The following TTC29 variants were observed in gnomAD, a reference collection of about 807,000 sequenced individuals.
The protein encoded by TTC29 is tetratricopeptide repeat domain 29.
Under a neutral mutation model 58.1 loss-of-function variants are expected in TTC29, and 49 were observed. The ratio of observed to expected loss-of-function variants is 0.84; its 90% CI spans 0.67 to 1.07. TTC29 has a LOEUF of 1.07. TTC29 is among the 50% of genes least tolerant of loss of function. TTC29 has a pLI of 0.00. For synonymous variants in TTC29, 209 were observed against 196.8 expected (o/e 1.06, Z -0.52); for missense variants, 582 against 555.6 (o/e 1.05, Z -0.48).
intron 11 of TTC29, among the ~76,000 whole-genome samples, chr4:146,781,621 C>CAA (rs1440829469): frequency 2.0e-5 from 3 of 151,806 alleles, no homozygotes; most frequent in Non-Finnish European, 2.9e-5. Flanking sequence ...TATATAAAAC[C>CAA]AACTCACTAT....
chr4:146,772,007 T>C (rs1747775481), intron 11 of TTC29, among the ~76,000 whole-genome samples: 2 of 152,228 alleles, frequency 1.3e-5, no homozygotes, highest in Admixed American at 6.5e-5. Flanking sequence ...TGATTAGTGA[T>C]GGTGAGCATC....
chr4:146,917,749 A>G (rs1223447608), intron 4 of TTC29, among the ~76,000 whole-genome samples: 2 of 146,906 alleles, frequency 1.4e-5, no homozygotes, highest in African/African-American at 4.9e-5. Flanking sequence ...AAAATTATAT[A>G]AAATTCTCCT....
Position 146,833,975 on chromosome 4 carries a change from T to G in TTC29, c.886-78A>C, listed in dbSNP as rs1342289655. 3 of 969,778 alleles carry G rather than the reference T, an allele frequency of 3.1e-6. No homozygotes were observed. The East Asian group carries it at 8.3e-5, about 27-fold the overall frequency. 60.1% of individuals were successfully genotyped at this position (969,778 alleles called of 1,614,324 possible). A position where few individuals can be genotyped will look rare whatever the true frequency, so the allele number is the denominator to read the frequency against. ...TGTTTCATTTCATAACAGAAAAAAA[T>G]AAAATTAATAGTTGGTTTTAATGTC... On this transcript the variant is annotated intron_variant, in intron 8 of 12. Coordinates refer to ENST00000325106, the MANE Select transcript of TTC29 (RefSeq NM_031956.4).
intron 4 of TTC29, among the ~76,000 whole-genome samples, chr4:146,930,764 T>A (rs1245940983): frequency 6.6e-6 from 1 of 152,232 alleles, no homozygotes; most frequent in Non-Finnish European, 1.5e-5. Flanking sequence ...TTGAGAGTGA[T>A]GTGGCTGGAT....
At chr4:146,908,183 T>C (rs1733651757) in intron 5 of TTC29, among the ~76,000 whole-genome samples, 1 of 152,160 alleles carries the variant, frequency 6.6e-6, no homozygotes, top group Admixed American at 6.5e-5. Context: ...TGAAATGACA[T>C]GTAGACATTG....
At chr4:146,743,069 C>T (rs1055041160) in intron 11 of TTC29, among the ~76,000 whole-genome samples, 1 of 151,546 alleles carries the variant, frequency 6.6e-6, no homozygotes, top group African/African-American at 2.4e-5. Context: ...TCTCCATCAG[C>T]GTTAGTCAAA....
At chr4:146,809,719 A>G (rs1750880869) in intron 10 of TTC29, among the ~76,000 whole-genome samples, 1 of 150,076 alleles carries the variant, frequency 6.7e-6, no homozygotes, top group Admixed American at 6.9e-5. Context: ...ATGAGATACC[A>G]TCTCATGCCA....
chr4:146,754,916 A>G (rs899169627), intron 11 of TTC29, among the ~76,000 whole-genome samples: 6 of 152,070 alleles, frequency 3.9e-5, no homozygotes, highest in African/African-American at 1.4e-4. Context: ...TCAGAAAAGA[A>G]AAAGAAATAT....
At chr4:146,818,536 G>A (rs928181954) in intron 10 of TTC29, among the ~76,000 whole-genome samples, 1 of 152,154 alleles carries the variant, frequency 6.6e-6, no homozygotes. Flanking sequence ...CAATTCCCCA[G>A]GGATCTAGAA....
intron 6 of TTC29, among the ~76,000 whole-genome samples, chr4:146,876,621 T>A (rs988389925): frequency 2.6e-5 from 4 of 152,054 alleles, no homozygotes; most frequent in African/African-American, 9.7e-5. Context: ...TGGTGGATAA[T>A]CAGTAAACGG....
intron 11 of TTC29, among the ~76,000 whole-genome samples, chr4:146,721,524 A>G (rs1011633581): frequency 6.6e-6 from 1 of 152,150 alleles, no homozygotes; most frequent in Non-Finnish European, 1.5e-5. Flanking sequence ...TAGTATATAC[A>G]TAGTGTTTTC....
intron 9 of TTC29, among the ~76,000 whole-genome samples, chr4:146,825,925 C>G (rs1256611542): frequency 6.6e-6 from 1 of 150,702 alleles, no homozygotes; most frequent in Non-Finnish European, 1.5e-5. Flanking sequence ...GGATTGCAAC[C>G]CCTGCTTTTT....
chr4:146,850,162 A>T (rs953748524), intron 8 of TTC29, among the ~76,000 whole-genome samples: 1 of 152,208 alleles, frequency 6.6e-6, no homozygotes, highest in Non-Finnish European at 1.5e-5. Flanking sequence ...AAGGCTTGGC[A>T]GTATGTGCTC....
At chr4:146,878,601 C>T (rs1365309480) in intron 6 of TTC29, among the ~76,000 whole-genome samples, 1 of 152,190 alleles carries the variant, frequency 6.6e-6, no homozygotes, top group African/African-American at 2.4e-5. Flanking sequence ...GGTTCCACCA[C>T]ATCAGATACT....
intron 10 of TTC29, among the ~76,000 whole-genome samples, chr4:146,810,716 G>T (rs1308351512): frequency 6.7e-6 from 1 of 148,828 alleles, no homozygotes; most frequent in East Asian, 2.1e-4. Context: ...TCAGCCTCCC[G>T]AGTAGCTGGG....
intron 11 of TTC29, among the ~76,000 whole-genome samples, chr4:146,766,421 T>C (rs1422394570): frequency 6.6e-6 from 1 of 152,146 alleles, no homozygotes; most frequent in African/African-American, 2.4e-5. Context: ...ATATAACTTT[T>C]ATAGTTCTTT....
chr4:146,906,977 C>T (rs1350757612), intron 5 of TTC29, among the ~76,000 whole-genome samples: 1 of 152,104 alleles, frequency 6.6e-6, no homozygotes, highest in African/African-American at 2.4e-5. Context: ...CAAAAATTAG[C>T]TTGGCATGGT....
intron 11 of TTC29, among the ~76,000 whole-genome samples, chr4:146,739,950 T>C (rs1394518851): frequency 6.6e-6 from 1 of 152,152 alleles, no homozygotes; most frequent in Non-Finnish European, 1.5e-5. Flanking sequence ...AATAGAAGTG[T>C]GCCTCTTACA....
At chr4:146,726,511 C>T (rs1222220811) in intron 11 of TTC29, among the ~76,000 whole-genome samples, 1 of 152,100 alleles carries the variant, frequency 6.6e-6, no homozygotes, top group Non-Finnish European at 1.5e-5. Context: ...TTATGTCTTA[C>T]TCAGATTGGC....
Sources: gnomAD v4.1 joint callset for allele counts (sites outside exome capture counted in the v4.1 genomes callset) on GRCh38, gnomAD v4.1.1 for gene constraint, MANE v1.5 for transcripts, NCBI Gene and HGNC (gene_info 2026-07-23, HGNC 2026-07-21) for gene names.